Variants in HMCN2 observed in about 807,000 individuals in gnomAD.
HMCN2 encodes hemicentin 2.
In HMCN2, 325 loss-of-function variants were observed where a neutral mutation model predicts 377.5. The observed-to-expected ratio is 0.86, with a 90% CI of 0.79 to 0.94. The LOEUF (loss-of-function observed/expected upper bound fraction) is 0.94, where lower values mean the gene tolerates loss of function less well. HMCN2 is among the 40% of genes least tolerant of loss of function. The probability of loss-of-function intolerance (pLI) is 0.00; values close to 1 mark genes in which losing one functional copy is unlikely to be tolerated. For synonymous variants in HMCN2, 2,007 were observed against 2,046.8 expected (o/e 0.98, Z 0.53); for missense variants, 4,543 against 4,725.3 (o/e 0.96, Z 1.13).
chr9:130,360,594 A>G lies in HMCN2; in HGVS notation c.5940A>G (p.Leu1980=). The G allele has an allele frequency of 7.7e-7, 1 of 1,297,400 alleles. No homozygotes were observed. Among genetic ancestry groups the G allele is most frequent in the African/African-American group, 1.5e-5 (1 of 65,672 alleles). The allele number at this position is 1,297,400 out of a possible 1,614,324, so 80.4% of individuals were successfully genotyped here. A position where few individuals can be genotyped will look rare whatever the true frequency, so the allele number is the denominator to read the frequency against. ...GTAGCACAGAGCTGCGGTATGGCCTACGGGTCAATGGTGAGCTTCCCTGGG... is the reference window on the plus strand; with the variant it reads ...GTAGCACAGAGCTGCGGTATGGCCTGCGGGTCAATGGTGAGCTTCCCTGGG... ...VAGSTELRYG[L]RVNVPPRITL... is the part of the protein sequence containing the mutation. Residue 1980 remains leucine, a synonymous_variant, in exon 38 of 98, where the codon CTA becomes CTG. Transcript: ENST00000683500. The surrounding 1 kb of genome is among the most constrained non-coding windows in gnomAD (Gnocchi z 4.7).
In HMCN2 at chr9:130,388,418, C is replaced by T; in HGVS notation, c.9401C>T (p.Thr3134Ile). The T allele has an allele frequency of 2.0e-6, 2 of 987,998 alleles. No individual in the cohort carries two copies. Among genetic ancestry groups the T allele is most frequent in the South Asian group, 9.4e-5 (2 of 21,374 alleles). The allele number at this position is 987,998 out of a possible 1,614,324, so 61.2% of individuals were successfully genotyped here. A position where few individuals can be genotyped will look rare whatever the true frequency, so the allele number is the denominator to read the frequency against. Residue 3134 changes from threonine (T) to isoleucine (I), a missense_variant, in exon 62 of 98, where the codon ACA becomes ATA. Thr to Ile is a moderately conservative substitution (Grantham distance 89, BLOSUM62 -1). Around this residue, in one of 5 missense-constraint regions of HMCN2, gnomAD observed 736 missense variants for 773.2 expected, o/e 0.95. Coordinates refer to ENST00000683500, the MANE Select transcript of HMCN2 (RefSeq NM_001291815.2). ...GGCTTTCTTCCTGCAGTGCCCCCAA[C>T]ATTTGAGAACCCCAAGACAGAGACA... The part of the protein sequence containing the change: ...TFTLTVQVPP[T>I]FENPKTETVS...
intron 30 of HMCN2, among the ~76,000 whole-genome samples, chr9:130,352,099 A>C (rs751517816): frequency 2.6e-5 from 4 of 152,238 alleles, no homozygotes; most frequent in Non-Finnish European, 5.9e-5. Context: ...GGCGTGAGTC[A>C]CTGTACCTGG....
In HMCN2 at chr9:130,365,681, G is replaced by A. The variant is rs1364295789; in HGVS notation, c.6459G>A (p.Leu2153=). ...CGGGCCATTACACCTGTGAGGCACT[G>A]AACCAGGCCGGCCACTCAGAGAAAC... ...WDAGHYTCEA[L]NQAGHSEKHY... Residue 2153 remains leucine (L), a synonymous_variant, in exon 42 of 98, where the codon CTG becomes CTA. Transcript: ENST00000683500. The A allele has an allele frequency of 4.1e-6, 4 of 985,856 alleles. No homozygotes were observed. The African/African-American group carries it at 5.2e-5, about 13-fold the overall frequency. 61.1% of individuals were successfully genotyped at this position (985,856 alleles called of 1,614,324 possible).
chr9:130,388,455 G>T lies in HMCN2; in HGVS notation c.9438G>T (p.Val3146=), dbSNP rs1339575200. The change falls in exon 62 of 98, where the codon GTG becomes GTT. Residue 3146 remains valine, a synonymous_variant. Transcript: ENST00000683500. The stretch of plus-strand genomic sequence containing the variant: ...CCAAGACAGAGACAGTGAGCCAGGT[G>T]GCTGGGAGCCCCCTGGTCCTGACCT... ...ENPKTETVSQ[V]AGSPLVLTCD... 2 of 987,886 alleles carry T rather than the reference G, an allele frequency of 2.0e-6. No individual in the cohort carries two copies. The highest frequency in any genetic ancestry group is 3.5e-5 in the African/African-American group (2 of 57,304). The allele number at this position is 987,886 out of a possible 1,614,324, so 61.2% of individuals were successfully genotyped here.
At position 130,303,781 on chromosome 9, in the gene HMCN2, C is replaced by T. The variant is rs1554935472; in HGVS notation, c.1543+173C>T. On this transcript the variant is annotated intron_variant, in intron 10 of 97. Transcript: ENST00000683500. The surrounding 1 kb of genome is among the most constrained non-coding windows in gnomAD (Gnocchi z 5.2). ...TGCCCCTCATGTGGGGCCGTCTCAC[C>T]CAGGAACGGCCTGTGGGTCTCCGCT... 6.6e-6 allele frequency among the ~76,000 whole-genome samples: 1 copy of T among 152,208 alleles called. No homozygotes were observed. The highest frequency in any genetic ancestry group is 1.9e-4 in the East Asian group (1 of 5,196).
intron 75 of HMCN2, 91 bp downstream of exon 75, chr9:130,398,798 G>A: frequency 9.0e-7 from 1 of 1,116,984 alleles, no homozygotes; most frequent in Non-Finnish European, 1.2e-6. Flanking sequence ...GGACGGGGCG[G>A]GGTGTGCTCA....
chr9:130,405,904 C>A, intron 81 of HMCN2, 51 bp from the exon 82 acceptor site: 1 of 1,225,560 alleles, frequency 8.2e-7, no homozygotes, highest in Non-Finnish European at 1.1e-6. Context: ...GGCATCCTGA[C>A]CTATGCCGAG....
chr9:130,407,606 C>T lies in HMCN2; in HGVS notation c.12589C>T (p.Gln4197Ter), dbSNP rs1843167910. 7.8e-7 allele frequency: 1 copy of T among 1,289,094 alleles called. No homozygotes were observed. Among genetic ancestry groups the T allele is most frequent in the Admixed American group, 2.3e-5 (1 of 43,512 alleles). The allele number at this position is 1,289,094 out of a possible 1,614,324, so 79.9% of individuals were successfully genotyped here. ...VSEQDGGSTLQRAAVSREDSG... is the reference protein window; with the variant it reads ...VSEQDGGSTL Reference sequence around the variant, plus strand: ...TGAGCAGGATGGAGGCAGCACGCTGCAGCGGGCCGCTGTCTCCAGAGAAGA... The same window carrying T: ...TGAGCAGGATGGAGGCAGCACGCTGTAGCGGGCCGCTGTCTCCAGAGAAGA... The change falls in exon 83 of 98, where the codon CAG becomes TAG. Residue 4197 changes from glutamine (Q) to a stop codon, truncating the protein, a stop_gained. Coordinates refer to ENST00000683500, the MANE Select transcript of HMCN2 (RefSeq NM_001291815.2). LOFTEE classifies it high-confidence loss of function.
chr9:130,418,986 C>A lies in HMCN2; in HGVS notation c.13176C>A (p.Cys4392Ter), dbSNP rs774222761. ...VETGDAGTYD[C>*]VAHNLLGSAT... is the part of the protein sequence containing the mutation. ...CTGGGGATGCAGGCACCTACGACTG[C>A]GTCGCTCACAACCTCCTGGGCTCTG... is the stretch of plus-strand genomic sequence containing the variant. Residue 4392 changes from cysteine to a stop codon, truncating the protein, a stop_gained, in exon 86 of 98, where the codon TGC becomes TGA. Transcript: ENST00000683500. LOFTEE classifies it high-confidence loss of function. 9.9e-6 allele frequency: 15 copies of A among 1,509,956 alleles called. No homozygotes were observed. The African/African-American group carries it at 1.5e-4, about 15-fold the overall frequency. The allele number at this position is 1,509,956 out of a possible 1,614,324, so 93.5% of individuals were successfully genotyped here.
chr9:130,326,897 T>A (rs1056452372), intron 21 of HMCN2, among the ~76,000 whole-genome samples: 4 of 152,140 alleles, frequency 2.6e-5, no homozygotes, highest in Non-Finnish European at 5.9e-5. Context: ...GGAGGGTCTG[T>A]GCATTCTTTG....
intron 24 of HMCN2, among the ~76,000 whole-genome samples, chr9:130,341,979 C>T (rs1402875968): frequency 1.3e-5 from 2 of 151,348 alleles, no homozygotes; most frequent in African/African-American, 4.9e-5. Context: ...AGTTCGAGAC[C>T]AGTCTGGCCA....
At chr9:130,373,897 T>TGGAA (rs1348261011) in intron 48 of HMCN2, among the ~76,000 whole-genome samples, 1 of 149,652 alleles carries the variant, frequency 6.7e-6, no homozygotes, top group Non-Finnish European at 1.5e-5. Flanking sequence ...GATGGATGGA[T>TGGAA]GGATGGATGG....
intron 15 of HMCN2, among the ~76,000 whole-genome samples, chr9:130,311,008 A>G (rs1837216455): frequency 6.6e-6 from 1 of 152,138 alleles, no homozygotes; most frequent in South Asian, 2.1e-4. Flanking sequence ...TGGAGTCCAA[A>G]TTCCTTGGTG....
At position 130,359,420 on chromosome 9, in the gene HMCN2, AC is replaced by A; in HGVS notation, c.5773+10del. 7.7e-7 allele frequency: 1 copy of A among 1,292,942 alleles called. No individual in the cohort carries two copies. The highest frequency in any genetic ancestry group is 1.0e-6 in the Non-Finnish European group (1 of 979,788). 80.1% of individuals were successfully genotyped at this position (1,292,942 alleles called of 1,614,324 possible). On this transcript the variant is annotated splice_region_variant and intron_variant, in intron 37 of 97. Transcript: ENST00000683500. ...TTCGGGCGTGCCCCCTCCTGGTAAG[AC>A]CCCTCCTCTTGGCTGAAAGCTACTT...
chr9:130,285,514 T>A (rs1027219699), intron 3 of HMCN2, among the ~76,000 whole-genome samples, 198 bp downstream of exon 3: 4 of 152,228 alleles, frequency 2.6e-5, no homozygotes, highest in African/African-American at 9.6e-5. Context: ...TGTGCTCTCA[T>A]GCTGTAGGCC....
chr9:130,267,967 T>C (rs1818744328), intron 1 of HMCN2, among the ~76,000 whole-genome samples: 1 of 152,222 alleles, frequency 6.6e-6, no homozygotes, highest in Admixed American at 6.5e-5. Flanking sequence ...AGCTTAGAGA[T>C]CGTTGAATCT....
At position 130,434,080 on chromosome 9, in the gene HMCN2, A is replaced by G. The variant is rs756842797; in HGVS notation, c.*387A>G. The G allele has an allele frequency of 1.7e-4, 35 of 201,984 alleles. No homozygotes were observed. The highest frequency in any genetic ancestry group is 3.1e-4 in the Non-Finnish European group (31 of 101,556). The allele number at this position is 201,984 out of a possible 1,614,324, so 12.5% of individuals were successfully genotyped here. ...TCGCCCGGCCACACCTGGTGGTGTCATTCTGAACCCTGTTGCAATATAAAG... is the reference window on the plus strand; with the variant it reads ...TCGCCCGGCCACACCTGGTGGTGTCGTTCTGAACCCTGTTGCAATATAAAG... On this transcript the variant is annotated 3_prime_UTR_variant, in exon 98 of 98. Transcript: ENST00000683500.
intron 60 of HMCN2, 51 bp from the exon 61 acceptor site, chr9:130,386,392 A>AT (rs1842022329): frequency 8.5e-7 from 1 of 1,180,262 alleles, no homozygotes; most frequent in South Asian, 1.3e-5. Context: ...GAGCCCTAGC[A>AT]CCCCACTTCC....
At chr9:130,332,870 C>G (rs918245292) in intron 22 of HMCN2, among the ~76,000 whole-genome samples, 2 of 152,236 alleles carry the variant, frequency 1.3e-5, no homozygotes, top group Non-Finnish European at 2.9e-5. Context: ...AGCCGTGCAG[C>G]AGGCTGGGTG....
Sources: allele counts gnomAD v4.1 joint callset (sites outside exome capture counted in the v4.1 genomes callset), GRCh38; gene constraint gnomAD v4.1.1; regional missense constraint gnomAD v4.1.1; non-coding constraint Gnocchi (gnomAD v3.1); transcripts MANE v1.5; gene names NCBI Gene and HGNC (gene_info 2026-07-23, HGNC 2026-07-21).